The following UGGT2 variants were observed in gnomAD, a reference collection of about 807,000 sequenced individuals.
UGGT2 encodes UDP-glucose glycoprotein glucosyltransferase 2.
A neutral mutation model predicts 192.1 loss-of-function variants in UGGT2; 180 were observed. The ratio of observed to expected loss-of-function variants is 0.94; its 90% confidence interval spans 0.83 to 1.06. UGGT2 has a LOEUF of 1.06. Ranked by LOEUF, UGGT2 falls within the 50% of genes least tolerant of loss-of-function variation. The pLI is 0.00. For missense variants in UGGT2, 1,849 were observed against 1,795.7 expected, an observed-to-expected ratio of 1.03 and a Z score of -0.54; for synonymous variants, 580 against 591.0, an observed-to-expected ratio of 0.98 and a Z score of 0.27.
chr13:96,036,022 G>C (rs1041791574), intron 1 of UGGT2, among the ~76,000 whole-genome samples: 4 of 152,170 alleles, frequency 2.6e-5, no homozygotes, highest in African/African-American at 9.7e-5. Flanking sequence ...TCTAGAGGCA[G>C]AAATACCATT....
intron 1 of UGGT2, among the ~76,000 whole-genome samples, chr13:96,037,182 G>A (rs1206351866): frequency 6.6e-6 from 1 of 152,036 alleles, no homozygotes; most frequent in Non-Finnish European, 1.5e-5. Context: ...TATGCATACT[G>A]TAAAATGCTA....
At chr13:95,860,068 T>C (rs1035691635) in intron 32 of UGGT2, among the ~76,000 whole-genome samples, 1 of 152,030 alleles carries the variant, frequency 6.6e-6, no homozygotes, top group African/African-American at 2.4e-5. Flanking sequence ...ACTGGATGGG[T>C]CATTTGGTTT....
intron 38 of UGGT2, among the ~76,000 whole-genome samples, chr13:95,829,637 A>G (rs1007813145): frequency 1.3e-5 from 2 of 152,222 alleles, no homozygotes; most frequent in African/African-American, 4.8e-5. Flanking sequence ...CTCTTCAAAG[A>G]GAACTACAAA....
intron 5 of UGGT2, among the ~76,000 whole-genome samples, chr13:96,000,730 C>T (rs553934885): frequency 2.6e-5 from 4 of 152,054 alleles, no homozygotes; most frequent in Non-Finnish European, 4.4e-5. Context: ...GTTATTAGCT[C>T]CTCAGTAATA....
intron 38 of UGGT2, among the ~76,000 whole-genome samples, chr13:95,805,083 TCAAAAA>T (rs1884239351): frequency 6.6e-6 from 1 of 151,636 alleles, no homozygotes; most frequent in African/African-American, 2.4e-5. Flanking sequence ...ACCCTGCAAC[TCAAAAA>T]CAAAAAATCA....
chr13:95,983,422 T>TA (rs2051189613), intron 10 of UGGT2: 1 of 281,654 alleles, frequency 3.6e-6, no homozygotes. Flanking sequence ...AAACCACTGA[T>TA]AAATTGTATT....
rs930105932 is a variant in UGGT2 at position 95,837,296 on chromosome 13, A to T, written c.4285-94T>A. On this transcript the variant is annotated intron_variant, in intron 36 of 38. Coordinates refer to ENST00000376747, the MANE Select transcript of UGGT2 (RefSeq NM_020121.4). ...GTAAGACATCAGTTAGACTGTAAAC[A>T]GATCATAAAACATATGCAAATCTGA... 6.4e-5 allele frequency: 53 copies of T among 828,730 alleles called. No individual in the cohort carries two copies. The South Asian group carries it at 7.3e-4, about 11-fold the overall frequency. 51.3% of individuals were successfully genotyped at this position (828,730 alleles called of 1,614,324 possible). A position where few individuals can be genotyped will look rare whatever the true frequency, so the allele number is the denominator to read the frequency against.
At chr13:95,807,716 C>CTTTTTTTTTTTTTTGTTTTTTTTT (rs1884378523) in intron 38 of UGGT2, among the ~76,000 whole-genome samples, 1 of 78,706 alleles carries the variant, frequency 1.3e-5, no homozygotes, top group Non-Finnish European at 2.6e-5. Flanking sequence ...CAGCCCTCAC[C>CTTTTTTTTTTTTTTGTTTTTTTTT]TTTTTTTTTT....
chr13:95,853,427 TA>T, intron 36 of UGGT2, 115 bp downstream of exon 36: 1 of 663,406 alleles, frequency 1.5e-6, no homozygotes, highest in Non-Finnish European at 2.4e-6. Flanking sequence ...GATAATTACA[TA>T]AACAGCAGTA....
intron 2 of UGGT2, among the ~76,000 whole-genome samples, chr13:96,030,712 C>G (rs1021421407): frequency 1.3e-5 from 2 of 152,126 alleles, no homozygotes; most frequent in Non-Finnish European, 2.9e-5. Context: ...GAAGATTTTA[C>G]TCTTAAGGGA....
chr13:95,956,436 A>C (rs992012130), intron 12 of UGGT2, among the ~76,000 whole-genome samples: 7 of 152,262 alleles, frequency 4.6e-5, no homozygotes, highest in Non-Finnish European at 1.0e-4. Context: ...ATTAATATCC[A>C]GAATATATAA....
At chr13:95,962,660 T>C (rs2050435855) in intron 12 of UGGT2, among the ~76,000 whole-genome samples, 1 of 152,044 alleles carries the variant, frequency 6.6e-6, no homozygotes. Context: ...CCCAAAAAAA[T>C]GAAGAGGAGA....
chr13:95,986,537 T>C (rs1473965337), intron 8 of UGGT2, 105 bp from the exon 9 acceptor site: 5 of 770,994 alleles, frequency 6.5e-6, no homozygotes, highest in Non-Finnish European at 1.0e-5. Flanking sequence ...CAAGTATTAG[T>C]ATACAAACAT....
In UGGT2 at chr13:95,927,397, T is replaced by C. The variant is rs951436831; in HGVS notation, c.1978-61A>G. 5.3e-5 allele frequency: 75 copies of C among 1,406,094 alleles called. No homozygotes were observed. The African/African-American group carries it at 9.3e-4, about 17-fold the overall frequency. 87.1% of individuals were successfully genotyped at this position (1,406,094 alleles called of 1,614,324 possible). The stretch of plus-strand genomic sequence containing the variant: ...CAATTTATATCCATGTTTCAAAAAG[T>C]ATGCAGATAACACAAAGATTACTTA... On this transcript the variant is annotated intron_variant, in intron 17 of 38. Coordinates refer to ENST00000376747, the MANE Select transcript of UGGT2 (RefSeq NM_020121.4).
At chr13:95,807,472 A>G (rs1228051896) in intron 38 of UGGT2, among the ~76,000 whole-genome samples, 2 of 152,158 alleles carry the variant, frequency 1.3e-5, no homozygotes, top group Admixed American at 6.5e-5. Flanking sequence ...TTCAGTCTCC[A>G]TATCATAGAG....
intron 31 of UGGT2, chr13:95,863,365 A>T (rs1339862641): frequency 3.4e-6 from 1 of 292,020 alleles, no homozygotes; most frequent in Non-Finnish European, 6.3e-6. Flanking sequence ...TCTTTGCCAC[A>T]CACTTCTTCA....
intron 5 of UGGT2, among the ~76,000 whole-genome samples, chr13:96,000,697 A>G (rs2051771612): frequency 6.6e-6 from 1 of 152,184 alleles, no homozygotes; most frequent in Non-Finnish European, 1.5e-5. Flanking sequence ...CACATAGCCA[A>G]TTTCCATTAT....
At chr13:95,929,335 T>C (rs944542032) in intron 17 of UGGT2, among the ~76,000 whole-genome samples, 1 of 152,236 alleles carries the variant, frequency 6.6e-6, no homozygotes, top group Admixed American at 6.5e-5. Context: ...CACATGCAGA[T>C]TGGTTACAAC....
chr13:95,901,554 T>A (rs749493947), intron 21 of UGGT2, among the ~76,000 whole-genome samples: 1 of 152,170 alleles, frequency 6.6e-6, no homozygotes, highest in African/African-American at 2.4e-5. Context: ...CTTATTAAAA[T>A]GCAGAATATA....
Sources: gnomAD v4.1 joint callset for allele counts (sites outside exome capture counted in the v4.1 genomes callset) on GRCh38, gnomAD v4.1.1 for gene constraint, MANE v1.5 for transcripts, NCBI Gene and HGNC (gene_info 2026-07-23, HGNC 2026-07-21) for gene names.